MTMR14: variants seen among roughly 807,000 people sequenced by gnomAD.
MTMR14 encodes myotubularin related protein 14.
Under a neutral mutation model 86.3 loss-of-function variants are expected in MTMR14, and 48 were observed. That is an observed-to-expected ratio of 0.56 (90% confidence interval 0.44 to 0.71). The LOEUF (loss-of-function observed/expected upper bound fraction) is 0.71. Among genes scored for constraint, MTMR14 ranks in the 30% least tolerant of loss-of-function variants. MTMR14 has a pLI of 0.00. For synonymous variants in MTMR14, 366 were observed against 326.1 expected (o/e 1.12, Z -1.32); for missense variants, 780 against 834.6 (o/e 0.93, Z 0.81).
intron 3 of MTMR14, among the ~76,000 whole-genome samples, chr3:9,663,498 TCTC>T (rs2048060091): frequency 7.3e-6 from 1 of 136,974 alleles, no homozygotes; most frequent in African/African-American, 2.8e-5. Flanking sequence ...ATGGAGTCTC[TCTC>T]TTTTTTTTTT....
intron 3 of MTMR14, among the ~76,000 whole-genome samples, chr3:9,663,501 CTTTTTTTT>C (rs4021721): frequency 8.6e-5 from 6 of 69,964 alleles, no homozygotes; most frequent in Admixed American, 1.9e-4. Flanking sequence ...GAGTCTCTCT[CTTTTTTTT>C]TTTTTTTTTT....
At chr3:9,670,706 A>G (rs1387415978) in intron 5 of MTMR14, among the ~76,000 whole-genome samples, 3 of 152,204 alleles carry the variant, frequency 2.0e-5, no homozygotes, top group African/African-American at 4.8e-5. Flanking sequence ...ATGGAAACGG[A>G]AAGATTCTAT....
chr3:9,650,401 C>T, intron 1 of MTMR14: 1 of 456,160 alleles, frequency 2.2e-6, no homozygotes, highest in South Asian at 1.5e-5. Context: ...GCTGGCAGTG[C>T]GGTGGGAATC....
intron 2 of MTMR14, among the ~76,000 whole-genome samples, chr3:9,661,135 G>A (rs1559564232): frequency 6.6e-6 from 1 of 152,172 alleles, no homozygotes; most frequent in Non-Finnish European, 1.5e-5. Flanking sequence ...TCTGTGCGCT[G>A]TTGGCCATAT....
intron 2 of MTMR14, among the ~76,000 whole-genome samples, chr3:9,661,404 G>T (rs529400407): frequency 6.6e-6 from 1 of 152,234 alleles, no homozygotes; most frequent in Admixed American, 6.5e-5. Flanking sequence ...ATATAATGCC[G>T]CCACTGATGA....
At chr3:9,673,016 T>C (rs952397889) in intron 7 of MTMR14, among the ~76,000 whole-genome samples, 1 of 152,202 alleles carries the variant, frequency 6.6e-6, no homozygotes, top group African/African-American at 2.4e-5. Context: ...AGTGAAGTAC[T>C]TCACCCCTCC....
At chr3:9,683,140 T>G in intron 9 of MTMR14, 38 bp from the exon 10 acceptor site, 6 of 1,581,122 alleles carry the variant, frequency 3.8e-6, no homozygotes, top group Non-Finnish European at 5.2e-6. Context: ...ATTCTAAATC[T>G]GAGTTAATGT....
chr3:9,694,186 A>G (rs751758732), intron 17 of MTMR14, among the ~76,000 whole-genome samples: 3 of 152,212 alleles, frequency 2.0e-5, no homozygotes, highest in Non-Finnish European at 4.4e-5. Context: ...AAAGATGAGT[A>G]TATTATCAGC....
Position 9,665,279 on chromosome 3 carries a change from CAA to C in MTMR14, c.417+2923_417+2924del, listed in dbSNP as rs748046896. On this transcript the variant is annotated intron_variant, in intron 3 of 18. Transcript: ENST00000296003. ...CCTGGGCGACAGTGTGAGACTGTCT[CAA>C]AAAAAAAAAAAAAAAAAAGTCTCAC... Among the ~76,000 whole-genome samples the C allele has an allele frequency of 3.3e-3, 218 of 66,998 alleles. 1 individual carries two copies. The highest frequency in any genetic ancestry group is 9.5e-3 in the African/African-American group (187 of 19,636). The allele number at this position is 66,998 out of a possible 152,430, so 44.0% of individuals were successfully genotyped here.
At chr3:9,671,458 G>C (rs969275504) in intron 6 of MTMR14, among the ~76,000 whole-genome samples, 1 of 151,644 alleles carries the variant, frequency 6.6e-6, no homozygotes, top group Admixed American at 6.6e-5. Context: ...ACATATCTCT[G>C]TATTTTTTTT....
chr3:9,671,269 A>T, intron 6 of MTMR14, 99 bp downstream of exon 6: 1 of 1,533,068 alleles, frequency 6.5e-7, no homozygotes. Context: ...TGGCCTTCTT[A>T]CAAAGGGCTT....
intron 3 of MTMR14, among the ~76,000 whole-genome samples, chr3:9,663,814 G>A (rs946140594): frequency 6.8e-6 from 1 of 147,978 alleles, no homozygotes; most frequent in Non-Finnish European, 1.5e-5. Context: ...CGCACGGCCT[G>A]GAGTCTCTTC....
chr3:9,693,773 T>C (rs1028845874), intron 17 of MTMR14, among the ~76,000 whole-genome samples: 1 of 152,186 alleles, frequency 6.6e-6, no homozygotes, highest in Non-Finnish European at 1.5e-5. Context: ...TGTAAGGGAC[T>C]TGAGCATCCA....
At position 9,673,302 on chromosome 3, in the gene MTMR14, A is replaced by G. The variant is rs142939354; in HGVS notation, c.751+544A>G. Among the ~76,000 whole-genome samples the G allele has an allele frequency of 6.8e-3, 1,035 of 152,338 alleles. 10 individuals carry two copies. Among genetic ancestry groups the G allele is most frequent in the African/African-American group, 0.024 (993 of 41,576 alleles). ...TTCCCAGTAACTGGACAGTGGCCAC[A>G]CCATGTTGCAAAGCACATTGGTATC... On this transcript the variant is annotated intron_variant, in intron 7 of 18. Transcript: ENST00000296003.
Position 9,677,182 on chromosome 3 carries a change from G to A in MTMR14, c.752-135G>A. On this transcript the variant is annotated intron_variant, in intron 7 of 18. Coordinates refer to ENST00000296003, the MANE Select transcript of MTMR14 (RefSeq NM_001077525.3). This position sits in a 1 kb window ranked among gnomAD's most constrained non-coding sequence, Gnocchi z 4.2. ...CACCCGTGTCAGCCTTGGCCTCACT[G>A]AAGCCACTAGCTTGGAGAAGTGTGA... 1 of 759,268 alleles carries A rather than the reference G, an allele frequency of 1.3e-6. No homozygotes were observed. The highest frequency in any genetic ancestry group is 2.3e-6 in the Non-Finnish European group (1 of 442,500). 47.0% of individuals were successfully genotyped at this position (759,268 alleles called of 1,614,324 possible).
chr3:9,656,329 A>C (rs940138263), intron 2 of MTMR14, among the ~76,000 whole-genome samples: 18 of 152,180 alleles, frequency 1.2e-4, no homozygotes, highest in African/African-American at 4.1e-4. Context: ...AGAACTTGGG[A>C]TCGCCAAGCC....
chr3:9,653,977 T>G, intron 2 of MTMR14: 1 of 625,732 alleles, frequency 1.6e-6, no homozygotes, highest in African/African-American at 1.8e-5. Context: ...AGCCCTTGAT[T>G]GCTGTTTCAC....
Position 9,672,766 on chromosome 3 carries a change from G to T in MTMR14, c.751+8G>T. The T allele has an allele frequency of 1.9e-6, 3 of 1,613,910 alleles. No homozygotes were observed. Among genetic ancestry groups the T allele is most frequent in the Non-Finnish European group, 2.5e-6 (3 of 1,179,822 alleles). On this transcript the variant is annotated splice_region_variant and intron_variant, in intron 7 of 18. Coordinates refer to ENST00000296003, the MANE Select transcript of MTMR14 (RefSeq NM_001077525.3). ...TCTCCATCCCGTATCCAGGTAGGGG[G>T]CTCTCTTCTAGTGGCAGGCATCCTA...
intron 13 of MTMR14, among the ~76,000 whole-genome samples, chr3:9,685,741 C>A (rs748531312): frequency 1.4e-4 from 22 of 152,194 alleles, no homozygotes; most frequent in Non-Finnish European, 2.5e-4. Context: ...GCTCTTCCTT[C>A]CTCTTCCAAT....
Sources: gnomAD v4.1 joint callset for allele counts (sites outside exome capture counted in the v4.1 genomes callset) on GRCh38, gnomAD v4.1.1 for gene constraint, Gnocchi (gnomAD v3.1) non-coding constraint, MANE v1.5 for transcripts, NCBI Gene and HGNC (gene_info 2026-07-23, HGNC 2026-07-21) for gene names.